PIGK: variants seen among roughly 807,000 people sequenced by gnomAD.
PIGK encodes the protein phosphatidylinositol glycan anchor biosynthesis class K, also known as GPI-anchor transamidase.
PIGK carries 42 observed loss-of-function variants against 50.6 expected under a neutral mutation model. The observed-to-expected ratio is 0.83, with a 90% CI of 0.65 to 1.07. PIGK has a LOEUF of 1.07. Among genes scored for constraint, PIGK ranks in the 50% least tolerant of loss-of-function variants. The probability of loss-of-function intolerance (pLI) is 0.00; values close to 1 mark genes in which losing one functional copy is unlikely to be tolerated. For missense variants in PIGK, 448 were observed against 488.7 expected (o/e 0.92, Z 0.78); for synonymous variants, 151 against 156.0 (o/e 0.97, Z 0.24).
chr1:77,096,881 CTTTTTT>C (rs141858558), intron 10 of PIGK, among the ~76,000 whole-genome samples: 20 of 124,326 alleles, frequency 1.6e-4, no homozygotes, highest in Admixed American at 3.9e-4. Context: ...TCGGGTTTTT[CTTTTTT>C]TTTTTTTTTT....
Position 77,161,643 on chromosome 1 carries a change from G to C in PIGK, c.653C>G (p.Pro218Arg), listed in dbSNP as rs752804076. ...ACTACTAGCTAGAGCCATTATGTTA[G>C]GAGAATAAAATCGTTCATACATGGA... ...GASMYERFYS[P>R]NIMALASSQV... The change falls in exon 7 of 11, where the codon CCT (proline) becomes CGT (arginine). Residue 218 changes from proline (P) to arginine (R), a missense_variant. Physicochemically the swap from Pro to Arg is moderately radical, Grantham distance 103. Transcript: ENST00000370812. The C allele has an allele frequency of 6.3e-7, 1 of 1,588,524 alleles. No homozygotes were observed. The highest frequency in any genetic ancestry group is 8.6e-7 in the Non-Finnish European group (1 of 1,156,822).
At chr1:77,190,980 A>G (rs1386015366) in intron 3 of PIGK, among the ~76,000 whole-genome samples, 1 of 152,122 alleles carries the variant, frequency 6.6e-6, no homozygotes, top group African/African-American at 2.4e-5. Context: ...TCCCTTCCCC[A>G]TTCCTCTCAG....
At chr1:77,162,427 C>G (rs1383537809) in intron 6 of PIGK, among the ~76,000 whole-genome samples, 1 of 152,030 alleles carries the variant, frequency 6.6e-6, no homozygotes, top group Admixed American at 6.6e-5. Flanking sequence ...ATCTGTGTAG[C>G]TAGGATTTAA....
Position 77,126,717 on chromosome 1 carries a change from G to A in PIGK, c.987-4358C>T, listed in dbSNP as rs542523043. Among the ~76,000 whole-genome samples, 33 of 152,220 alleles carry A rather than the reference G, an allele frequency of 2.2e-4. 1 individual carries two copies. The highest frequency in any genetic ancestry group is 7.9e-4 in the African/African-American group (33 of 41,528). ...GCAAATCATTATTAGTCAGGTCTCT[G>A]ACAAACCATATATAATTCAGAATGA... On this transcript the variant is annotated intron_variant, in intron 9 of 10. Transcript: ENST00000370812.
intron 9 of PIGK, among the ~76,000 whole-genome samples, chr1:77,131,515 TAA>T (rs780291266): frequency 7.2e-5 from 11 of 152,112 alleles, no homozygotes; most frequent in Non-Finnish European, 1.6e-4. Context: ...TCACACTATA[TAA>T]AGTTTGCTGC....
chr1:77,125,621 G>A (rs1051621996), intron 9 of PIGK, among the ~76,000 whole-genome samples: 1 of 151,524 alleles, frequency 6.6e-6, no homozygotes, highest in African/African-American at 2.4e-5. Context: ...CTAATTTATT[G>A]GCTTAGAAGC....
chr1:77,195,385 C>T, intron 3 of PIGK: 2 of 1,197,422 alleles, frequency 1.7e-6, no homozygotes, highest in South Asian at 1.4e-5. Flanking sequence ...CATCAGCACG[C>T]AGAGTGCTAA....
chr1:77,173,071 A>C (rs1032547350), intron 3 of PIGK, among the ~76,000 whole-genome samples: 4 of 152,176 alleles, frequency 2.6e-5, no homozygotes, highest in Admixed American at 1.3e-4. Context: ...TTTTGGTAAA[A>C]ATGAGATTCT....
intron 9 of PIGK, among the ~76,000 whole-genome samples, chr1:77,128,348 C>T (rs1037205415): frequency 5.3e-5 from 8 of 152,022 alleles, no homozygotes; most frequent in Admixed American, 5.2e-4. Context: ...AATTTATGGC[C>T]CAACTGTTGA....
At chr1:77,139,126 C>CA (rs1557803445) in intron 9 of PIGK, among the ~76,000 whole-genome samples, 2 of 151,846 alleles carry the variant, frequency 1.3e-5, no homozygotes, top group African/African-American at 4.8e-5. Context: ...CTAACCCTCA[C>CA]ACAAAGCCAT....
At chr1:77,146,621 C>T (rs531513349) in intron 9 of PIGK, among the ~76,000 whole-genome samples, 22 of 152,042 alleles carry the variant, frequency 1.4e-4, no homozygotes, top group Non-Finnish European at 2.2e-4. Context: ...CACGGCGAAA[C>T]CCCGTCTCTA....
At position 77,096,905 on chromosome 1, in the gene PIGK, T is replaced by C. The variant is rs868335089; in HGVS notation, c.1072-4415A>G. On this transcript the variant is annotated intron_variant, in intron 10 of 10. Coordinates refer to ENST00000370812, the MANE Select transcript of PIGK (RefSeq NM_005482.3). The stretch of plus-strand genomic sequence containing the variant: ...TCTTTTTTTTTTTTTTTTGTTTTTT[T>C]GTTTTTTTGTTTTGTTTTGTTTTGT... 2.7e-5 allele frequency among the ~76,000 whole-genome samples: 4 copies of C among 150,650 alleles called. No homozygotes were observed. The East Asian group carries it at 7.8e-4, about 29-fold the overall frequency.
intron 10 of PIGK, among the ~76,000 whole-genome samples, chr1:77,107,252 T>A (rs2100515868): frequency 6.6e-6 from 1 of 152,330 alleles, no homozygotes; most frequent in African/African-American, 2.4e-5. Flanking sequence ...CTCTACACAC[T>A]GCTTTAAATG....
intron 8 of PIGK, among the ~76,000 whole-genome samples, chr1:77,158,888 T>C (rs1411677179): frequency 1.3e-5 from 2 of 152,086 alleles, no homozygotes; most frequent in Non-Finnish European, 1.5e-5. Flanking sequence ...ATCCTGACAA[T>C]GCAATAAAAA....
chr1:77,104,288 T>C (rs1205277133), intron 10 of PIGK, among the ~76,000 whole-genome samples: 1 of 151,970 alleles, frequency 6.6e-6, no homozygotes, highest in Non-Finnish European at 1.5e-5. Flanking sequence ...AAGATGATGA[T>C]TTCAATGGAC....
At chr1:77,147,935 T>A (rs1054623799) in intron 9 of PIGK, among the ~76,000 whole-genome samples, 2 of 152,212 alleles carry the variant, frequency 1.3e-5, no homozygotes, top group Non-Finnish European at 2.9e-5. Context: ...GTACTCCCAA[T>A]CAGTTTTATG....
chr1:77,111,008 GCTCATCATCA>G (rs999030151), intron 10 of PIGK, among the ~76,000 whole-genome samples: 4 of 152,152 alleles, frequency 2.6e-5, no homozygotes, highest in Non-Finnish European at 4.4e-5. Flanking sequence ...ATGAAAAAAT[GCTCATCATCA>G]CTGGCCATCA....
intron 9 of PIGK, among the ~76,000 whole-genome samples, chr1:77,132,809 T>C (rs1570209079): frequency 6.6e-6 from 1 of 152,126 alleles, no homozygotes; most frequent in African/African-American, 2.4e-5. Flanking sequence ...TTTTGCTGTG[T>C]AGAGAATGAT....
intron 3 of PIGK, among the ~76,000 whole-genome samples, chr1:77,172,908 A>G (rs546610033): frequency 6.6e-6 from 1 of 152,170 alleles, no homozygotes; most frequent in African/African-American, 2.4e-5. Context: ...TGGGCGACAG[A>G]GCGAGACTCC....
Sources: allele counts gnomAD v4.1 joint callset (sites outside exome capture counted in the v4.1 genomes callset), GRCh38; gene constraint gnomAD v4.1.1; transcripts MANE v1.5; gene names NCBI Gene and HGNC (gene_info 2026-07-23, HGNC 2026-07-21).